The following PRELID2 variants were observed in gnomAD, a reference collection of about 807,000 sequenced individuals.
PRELID2 encodes PRELI domain containing 2.
In PRELID2, 25 loss-of-function variants were observed where a neutral mutation model predicts 28.4. The ratio of observed to expected loss-of-function variants is 0.88; its 90% CI spans 0.64 to 1.23. PRELID2 has a LOEUF of 1.23. PRELID2 is among the 50% of genes most tolerant of loss of function. The pLI, the probability that PRELID2 is intolerant of heterozygous loss-of-function variation, is 0.00. For missense variants in PRELID2, 201 were observed against 214.4 expected (o/e 0.94, Z 0.39); for synonymous variants, 76 against 71.6 (o/e 1.06, Z -0.31).
intron 1 of PRELID2, among the ~76,000 whole-genome samples, chr5:145,741,159 TATAA>T (rs1284436673): frequency 5.2e-5 from 6 of 115,092 alleles, no homozygotes; most frequent in African/African-American, 1.4e-4. Flanking sequence ...ATGTAAAATA[TATAA>T]ATATATATTT....
At chr5:145,810,412 A>T (rs567800434) in intron 4 of PRELID2, among the ~76,000 whole-genome samples, 2 of 152,190 alleles carry the variant, frequency 1.3e-5, no homozygotes, top group Non-Finnish European at 2.9e-5. Flanking sequence ...GAGCAGATTC[A>T]GTCCATGCCA....
intron 1 of PRELID2, among the ~76,000 whole-genome samples, chr5:145,476,591 G>C (rs1316677026): frequency 2.0e-5 from 3 of 152,176 alleles, no homozygotes; most frequent in Admixed American, 6.5e-5. Context: ...GTTACAGTGA[G>C]CCGAGATTGC....
At chr5:145,517,765 G>C (rs1212992605) in intron 1 of PRELID2, among the ~76,000 whole-genome samples, 1 of 152,134 alleles carries the variant, frequency 6.6e-6, no homozygotes, top group African/African-American at 2.4e-5. Context: ...TAATAGACTG[G>C]ATAAAGAAAA....
chr5:145,518,197 C>G (rs1752535071), intron 1 of PRELID2, among the ~76,000 whole-genome samples: 3 of 150,584 alleles, frequency 2.0e-5, no homozygotes, highest in Admixed American at 2.0e-4. Flanking sequence ...TGAGTGCACT[C>G]TTGGTTTTGT....
chr5:145,381,376 T>C, the PRELID2 span, among the ~76,000 whole-genome samples: 3 of 152,146 alleles, frequency 2.0e-5, no homozygotes, highest in Admixed American at 2.0e-4. Context: ...CCCAAAAATC[T>C]ACATATTGGG....
intron 1 of PRELID2, among the ~76,000 whole-genome samples, chr5:145,640,606 T>C (rs1468799178): frequency 6.9e-6 from 1 of 144,782 alleles, no homozygotes; most frequent in Non-Finnish European, 1.5e-5. Flanking sequence ...ATCGCGCCAC[T>C]GCACCCCAGC....
chr5:145,270,686 A>C, the PRELID2 span, among the ~76,000 whole-genome samples: 1 of 152,160 alleles, frequency 6.6e-6, no homozygotes. Context: ...CTTGTTATAA[A>C]GAAGGATTCT....
chr5:145,695,839 A>T lies in PRELID2; in HGVS notation n.70+69092T>A, dbSNP rs566738381. Among the ~76,000 whole-genome samples, 7 of 152,202 alleles carry T rather than the reference A, an allele frequency of 4.6e-5. No homozygotes were observed. The East Asian group carries it at 1.2e-3, about 25-fold the overall frequency. On this transcript the variant is annotated intron_variant and non_coding_transcript_variant, in intron 1 of 2. Coordinates refer to the PRELID2 transcript ENST00000510259. The stretch of plus-strand genomic sequence containing the variant: ...AACGTAGCCTCAGGAGTAACATATC[A>T]CCACTTCTACCATAGTCAACTGATC...
chr5:145,736,972 C>T (rs964149354), intron 1 of PRELID2, among the ~76,000 whole-genome samples: 2 of 151,564 alleles, frequency 1.3e-5, no homozygotes, highest in African/African-American at 4.9e-5. Context: ...GAGAAGACCT[C>T]AGGAACAATT....
In PRELID2 at chr5:145,741,299, T is replaced by C. The variant is rs1218130687; in HGVS notation, n.70+23632A>G. The stretch of plus-strand genomic sequence containing the variant: ...TTTATGTATATATAAATAAATTATA[T>C]ATAAATAATTTATTTATAAATAAAT... On this transcript the variant is annotated intron_variant and non_coding_transcript_variant, in intron 1 of 2. Transcript: ENST00000510259. Among the ~76,000 whole-genome samples the C allele has an allele frequency of 5.0e-5, 5 of 100,630 alleles. No homozygotes were observed. The East Asian group carries it at 9.4e-4, about 19-fold the overall frequency. The allele number at this position is 100,630 out of a possible 152,430, so 66.0% of individuals were successfully genotyped here. A position where few individuals can be genotyped will look rare whatever the true frequency, so the allele number is the denominator to read the frequency against.
the PRELID2 span, among the ~76,000 whole-genome samples, chr5:145,236,519 C>G: frequency 6.6e-6 from 1 of 152,132 alleles, no homozygotes; most frequent in Non-Finnish European, 1.5e-5. Flanking sequence ...GACATGCCAA[C>G]TGTAACTTTA....
chr5:145,786,263 T>A (rs1751987984), intron 5 of PRELID2, among the ~76,000 whole-genome samples: 1 of 152,372 alleles, frequency 6.6e-6, no homozygotes, highest in African/African-American at 2.4e-5. Flanking sequence ...CCTAGTGACC[T>A]GTGCCTCCTG....
intron 1 of PRELID2, among the ~76,000 whole-genome samples, chr5:145,610,394 T>C (rs1753596536): frequency 2.0e-5 from 3 of 152,144 alleles, no homozygotes; most frequent in Non-Finnish European, 2.9e-5. Context: ...GAGCTGCTTC[T>C]AGTCCACCAT....
At chr5:145,413,032 A>C in the PRELID2 span, among the ~76,000 whole-genome samples, 1 of 152,134 alleles carries the variant, frequency 6.6e-6, no homozygotes, top group African/African-American at 2.4e-5. Flanking sequence ...CATTGGGATT[A>C]TTACAATTCA....
At chr5:145,674,261 T>C (rs962486999) in intron 1 of PRELID2, among the ~76,000 whole-genome samples, 2 of 152,184 alleles carry the variant, frequency 1.3e-5, no homozygotes, top group African/African-American at 2.4e-5. Flanking sequence ...GCTGTACCCA[T>C]TAACTTGTCA....
chr5:145,613,639 T>C (rs913939130), intron 1 of PRELID2, among the ~76,000 whole-genome samples: 6 of 152,082 alleles, frequency 3.9e-5, no homozygotes, highest in South Asian at 2.1e-4. Context: ...CTTTTGAGAA[T>C]TGTCTATTCT....
chr5:145,475,022 A>C (rs1359520936), intron 1 of PRELID2, among the ~76,000 whole-genome samples: 2 of 152,226 alleles, frequency 1.3e-5, no homozygotes, highest in Non-Finnish European at 2.9e-5. Context: ...ATTATGAAAG[A>C]CTATTCTCTG....
At chr5:145,745,425 G>T (rs977161875) in intron 1 of PRELID2, among the ~76,000 whole-genome samples, 1 of 152,096 alleles carries the variant, frequency 6.6e-6, no homozygotes, top group Admixed American at 6.5e-5. Context: ...CTCCAAGGTT[G>T]AAATGAAGGA....
At chr5:145,821,365 G>A (rs893293706) in intron 2 of PRELID2, among the ~76,000 whole-genome samples, 2 of 151,830 alleles carry the variant, frequency 1.3e-5, no homozygotes, top group Non-Finnish European at 1.5e-5. Context: ...GTTTGTGTGT[G>A]TGTGTGTAAG....
Sources: gnomAD v4.1 joint callset for allele counts (sites outside exome capture counted in the v4.1 genomes callset) on GRCh38, gnomAD v4.1.1 for gene constraint, MANE v1.5 for transcripts, NCBI Gene and HGNC (gene_info 2026-07-23, HGNC 2026-07-21) for gene names.